HMCN1: variants seen among roughly 807,000 people sequenced by gnomAD.
HMCN1 encodes the protein hemicentin 1, also known as hemicentin-1.
HMCN1 carries 321 observed loss-of-function variants against 625.9 expected under a neutral mutation model. The observed-to-expected ratio is 0.51, with a 90% CI of 0.47 to 0.56. The LOEUF (loss-of-function observed/expected upper bound fraction) is 0.56, where lower values mean the gene tolerates loss of function less well. Ranked by LOEUF, HMCN1 falls within the 20% of genes least tolerant of loss-of-function variation. The probability of loss-of-function intolerance (pLI) is 0.00; values close to 1 mark genes in which losing one functional copy is unlikely to be tolerated. For missense variants in HMCN1, 6,588 were observed against 6,887.3 expected, an observed-to-expected ratio of 0.96 and a Z score of 1.54; for synonymous variants, 2,425 against 2,417.6, an observed-to-expected ratio of 1.00 and a Z score of -0.09.
rs1477142097 is a variant in HMCN1 at position 186,015,354 on chromosome 1, A to G, written c.4826A>G (p.Gln1609Arg). 1 of 1,613,626 alleles carries G rather than the reference A, an allele frequency of 6.2e-7. No individual in the cohort carries two copies. The highest frequency in any genetic ancestry group is 1.3e-5 in the African/African-American group (1 of 74,896). The change falls in exon 31 of 107, where the codon CAG becomes CGG. Residue 1609 changes from glutamine to arginine, a missense_variant. By Grantham distance (43) the Gln-to-Arg change is conservative (BLOSUM62 1). Coordinates refer to ENST00000271588, the MANE Select transcript of HMCN1 (RefSeq NM_031935.3). ...CAATATCTTCATATTCCTCGAGCAC[A>G]GGTCTCTGATTCAGCAACATATACG... ...KGQYLHIPRAQVSDSATYTCH... is the reference protein window; with the variant it reads ...KGQYLHIPRARVSDSATYTCH...
chr1:185,950,666 C>T (rs1325340259), intron 11 of HMCN1, among the ~76,000 whole-genome samples: 4 of 151,014 alleles, frequency 2.6e-5, no homozygotes, highest in Non-Finnish European at 5.9e-5. Context: ...TGAAGCTTTG[C>T]AGCAGTACAG....
Position 186,187,936 on chromosome 1 carries a change from T to G in HMCN1, c.16468T>G (p.Phe5490Val). 1.2e-6 allele frequency: 2 copies of G among 1,613,804 alleles called. No individual in the cohort carries two copies. The highest frequency in any genetic ancestry group is 1.7e-6 in the Non-Finnish European group (2 of 1,179,794). The change falls in exon 106 of 107, where the codon TTC becomes GTC. Residue 5490 changes from phenylalanine to valine, a missense_variant. Coordinates refer to ENST00000271588, the MANE Select transcript of HMCN1 (RefSeq NM_031935.3). ...NVHCGPNRMC[F>V]NMRGSYQCID... Reference sequence around the variant, plus strand: ...GCACTGTGGACCCAATCGCATGTGCTTCAACATGAGAGGAAGCTACCAGTG... The same window carrying G: ...GCACTGTGGACCCAATCGCATGTGCGTCAACATGAGAGGAAGCTACCAGTG...
At chr1:186,186,230 T>A (rs1205494432) in intron 105 of HMCN1, among the ~76,000 whole-genome samples, 1 of 152,154 alleles carries the variant, frequency 6.6e-6, no homozygotes, top group Non-Finnish European at 1.5e-5. Flanking sequence ...TGTTAGTAGG[T>A]GTCCCCATGA....
At chr1:186,090,975 G>C in intron 64 of HMCN1, 58 bp downstream of exon 64, 1 of 1,498,914 alleles carries the variant, frequency 6.7e-7, no homozygotes, top group East Asian at 2.3e-5. Flanking sequence ...AATGCTTTAT[G>C]CTTCAAATTT....
chr1:185,848,213 T>G (rs1661956012), intron 2 of HMCN1, among the ~76,000 whole-genome samples: 3 of 152,168 alleles, frequency 2.0e-5, no homozygotes, highest in African/African-American at 7.2e-5. Flanking sequence ...TCTATTTCAA[T>G]CTAGTTCCCA....
intron 1 of HMCN1, among the ~76,000 whole-genome samples, chr1:185,836,355 T>TA (rs1205042371): frequency 6.6e-6 from 1 of 152,222 alleles, no homozygotes; most frequent in East Asian, 1.9e-4. Context: ...ACTCTGGTGT[T>TA]ACCTTTCAGC....
chr1:186,065,752 C>G (rs941238601), intron 49 of HMCN1, among the ~76,000 whole-genome samples: 1 of 152,100 alleles, frequency 6.6e-6, no homozygotes, highest in East Asian at 1.9e-4. Flanking sequence ...CTGAGATATT[C>G]TATCCTTTTT....
At chr1:185,897,678 T>G (rs1665565073) in intron 4 of HMCN1, among the ~76,000 whole-genome samples, 1 of 152,214 alleles carries the variant, frequency 6.6e-6, no homozygotes, top group South Asian at 2.1e-4. Flanking sequence ...GATTTGACCA[T>G]CTTCTTTGCC....
At chr1:185,745,934 G>T (rs1654361472) in intron 1 of HMCN1, among the ~76,000 whole-genome samples, 1 of 152,176 alleles carries the variant, frequency 6.6e-6, no homozygotes, top group South Asian at 2.1e-4. Context: ...TTTAAAATAA[G>T]ACAGAAAAAG....
intron 66 of HMCN1, 123 bp downstream of exon 66, chr1:186,093,792 A>G: frequency 7.5e-7 from 1 of 1,329,498 alleles, no homozygotes; most frequent in African/African-American, 1.5e-5. Flanking sequence ...TTTTCCCTTT[A>G]AGTATATTTT....
chr1:185,812,140 T>C (rs1178188081), intron 1 of HMCN1, among the ~76,000 whole-genome samples: 2 of 145,428 alleles, frequency 1.4e-5, no homozygotes, highest in African/African-American at 4.8e-5. Context: ...TAATAGTATG[T>C]TGTTGATTTT....
At chr1:185,798,323 C>A (rs1348226214) in intron 1 of HMCN1, among the ~76,000 whole-genome samples, 2 of 152,158 alleles carry the variant, frequency 1.3e-5, no homozygotes, top group African/African-American at 4.8e-5. Context: ...TTTTCTCTTG[C>A]TGACTTTAGG....
chr1:185,811,989 A>C (rs554396904), intron 1 of HMCN1, among the ~76,000 whole-genome samples: 7 of 152,332 alleles, frequency 4.6e-5, no homozygotes, highest in Admixed American at 1.3e-4. Context: ...AGCAATGTTT[A>C]TGAAGATAGT....
chr1:186,022,884 C>T (rs1236757886), intron 35 of HMCN1, 146 bp from the exon 36 acceptor site: 11 of 783,098 alleles, frequency 1.4e-5, no homozygotes, highest in Non-Finnish European at 2.4e-5. Context: ...TGTGAACTCG[C>T]TCTAGTCTAT....
At position 185,990,259 on chromosome 1, in the gene HMCN1, CAT is replaced by C. The variant is rs779790538; in HGVS notation, c.3209-15_3209-14del. ...TCAATATACTGTTTCCCTTCCAAAA[CAT>C]GTGTTTATTTTAGTAAGGCCCAGAG... On this transcript the variant is annotated splice_polypyrimidine_tract_variant and intron_variant, in intron 21 of 106. Coordinates refer to ENST00000271588, the MANE Select transcript of HMCN1 (RefSeq NM_031935.3). 16 of 1,611,282 alleles carry C rather than the reference CAT, an allele frequency of 9.9e-6. No individual in the cohort carries two copies. Among genetic ancestry groups the C allele is most frequent in the Middle Eastern group, 1.7e-4 (1 of 6,044 alleles).
At chr1:185,824,442 C>T (rs1660385011) in intron 1 of HMCN1, among the ~76,000 whole-genome samples, 1 of 152,062 alleles carries the variant, frequency 6.6e-6, no homozygotes, top group Non-Finnish European at 1.5e-5. Context: ...TCAGAGAATT[C>T]TCAAATTGTG....
Position 186,054,088 on chromosome 1 carries a change from A to G in HMCN1, c.6862+102A>G, listed in dbSNP as rs191282340. The G allele has an allele frequency of 2.6e-3, 3,088 of 1,171,918 alleles. 6 individuals are homozygous for G. The highest frequency in any genetic ancestry group is 7.8e-3 in the Middle Eastern group (33 of 4,250). 72.6% of individuals were successfully genotyped at this position (1,171,918 alleles called of 1,614,324 possible). A position where few individuals can be genotyped will look rare whatever the true frequency, so the allele number is the denominator to read the frequency against. ...ATCTTTAATGTTCATTCAAAATGGTATGGTTGTAACTATCATATGACACAC... is the reference window on the plus strand; with the variant it reads ...ATCTTTAATGTTCATTCAAAATGGTGTGGTTGTAACTATCATATGACACAC... On this transcript the variant is annotated intron_variant, in intron 44 of 106. Coordinates refer to ENST00000271588, the MANE Select transcript of HMCN1 (RefSeq NM_031935.3).
rs762354666 is a variant in HMCN1 at position 186,007,144 on chromosome 1, G to A, written c.4492G>A (p.Asp1498Asn). 27 of 1,612,344 alleles carry A rather than the reference G, an allele frequency of 1.7e-5. No individual in the cohort carries two copies. The Admixed American group carries it at 3.3e-4, about 20-fold the overall frequency. The stretch of plus-strand genomic sequence containing the variant: ...TTTTTCTAGGCCTTTATTTTTGGGC[G>A]ATCCTAATGTTGAACTTCTAGACAG... The part of the protein sequence containing the change: ...FKDGKPLFLG[D>N]PNVELLDRGQ... Residue 1498 changes from aspartate to asparagine, a missense_variant, in exon 30 of 107, where the codon GAT becomes AAT. Asp to Asn is a conservative substitution (Grantham distance 23). Transcript: ENST00000271588.
chr1:185,782,979 A>G (rs776772028), intron 1 of HMCN1, among the ~76,000 whole-genome samples: 34 of 152,210 alleles, frequency 2.2e-4, no homozygotes, highest in Non-Finnish European at 1.9e-4. Context: ...GCTTTCAGGT[A>G]CACCAATCAG....
Sources: gnomAD v4.1 joint callset for allele counts (sites outside exome capture counted in the v4.1 genomes callset) on GRCh38, gnomAD v4.1.1 for gene constraint, MANE v1.5 for transcripts, NCBI Gene and HGNC (gene_info 2026-07-23, HGNC 2026-07-21) for gene names.